Variants in RABGAP1 observed in about 807,000 individuals in gnomAD.
The protein encoded by RABGAP1 is RAB GTPase activating protein 1.
In RABGAP1, 23 loss-of-function variants were observed where a neutral mutation model predicts 137.6. The ratio of observed to expected loss-of-function variants is 0.17; its 90% CI spans 0.12 to 0.24. The LOEUF (loss-of-function observed/expected upper bound fraction) is 0.24. Among genes scored for constraint, RABGAP1 ranks in the 10% least tolerant of loss-of-function variants. The pLI is 1.00. For synonymous variants in RABGAP1, 451 were observed against 450.7 expected, an observed-to-expected ratio of 1.00 and a Z score of -0.01; for missense variants, 906 against 1,275.8, an observed-to-expected ratio of 0.71 and a Z score of 4.42.
chr9:123,010,170 T>C (rs2030671377), intron 10 of RABGAP1, among the ~76,000 whole-genome samples, 184 bp from the exon 11 acceptor site: 1 of 152,058 alleles, frequency 6.6e-6, no homozygotes, highest in Non-Finnish European at 1.5e-5. Context: ...TGCTTTTCTG[T>C]TTTAAAAAGT....
intron 9 of RABGAP1, among the ~76,000 whole-genome samples, chr9:122,997,706 A>G (rs1274995721): frequency 1.3e-5 from 2 of 152,222 alleles, no homozygotes; most frequent in South Asian, 2.1e-4. Context: ...AAGTGAGTCT[A>G]CCACAGTCCC....
chr9:123,035,633 G>C, intron 13 of RABGAP1: 2 of 1,403,568 alleles, frequency 1.4e-6, no homozygotes, highest in South Asian at 2.6e-5. Flanking sequence ...TCAGTTACGG[G>C]GTTCCCGTGT....
chr9:123,081,539 C>T (rs1217892843), intron 19 of RABGAP1, among the ~76,000 whole-genome samples: 1 of 152,134 alleles, frequency 6.6e-6, no homozygotes, highest in Non-Finnish European at 1.5e-5. Context: ...CAGACTCAAA[C>T]GATCCTCCCA....
chr9:123,004,092 C>T (rs954889360), intron 10 of RABGAP1, among the ~76,000 whole-genome samples: 2 of 152,142 alleles, frequency 1.3e-5, no homozygotes, highest in African/African-American at 4.8e-5. Flanking sequence ...TAAAAATATA[C>T]AAATGCTTTC....
intron 13 of RABGAP1, among the ~76,000 whole-genome samples, chr9:123,055,197 G>A (rs991867435): frequency 6.6e-6 from 1 of 151,818 alleles, no homozygotes; most frequent in Non-Finnish European, 1.5e-5. Context: ...TTCTTTTATT[G>A]ATTGATTGAC....
chr9:123,074,675 A>G (rs2034459156), intron 17 of RABGAP1, among the ~76,000 whole-genome samples: 1 of 152,234 alleles, frequency 6.6e-6, no homozygotes, highest in African/African-American at 2.4e-5. Flanking sequence ...TTTTGGCTGT[A>G]TTGAATGAAG....
chr9:122,989,551 T>G, intron 5 of RABGAP1, 80 bp downstream of exon 5: 8 of 1,412,764 alleles, frequency 5.7e-6, no homozygotes, highest in Non-Finnish European at 5.9e-6. Flanking sequence ...TGGTATTTAT[T>G]ATGATCACTC....
chr9:122,940,263 A>G (rs1191969528), upstream of RABGAP1: 1 of 152,186 alleles, frequency 6.6e-6, no homozygotes, highest in African/African-American at 2.4e-5. Context: ...AAACTTCATT[A>G]TATTGCTGTT....
intron 2 of RABGAP1, among the ~76,000 whole-genome samples, chr9:122,961,434 T>C (rs992363086): frequency 9.2e-5 from 14 of 152,210 alleles, no homozygotes; most frequent in African/African-American, 2.9e-4. Context: ...AAAGCTATTA[T>C]TCAAAACGGA....
chr9:123,071,884 A>G (rs543033307), intron 15 of RABGAP1, among the ~76,000 whole-genome samples: 33 of 152,270 alleles, frequency 2.2e-4, no homozygotes, highest in African/African-American at 6.7e-4. Context: ...GTATGGGAGG[A>G]ACTGAAAGGA....
intron 19 of RABGAP1, among the ~76,000 whole-genome samples, chr9:123,084,987 A>C (rs1285784632): frequency 6.6e-6 from 1 of 152,202 alleles, no homozygotes; most frequent in African/African-American, 2.4e-5. Context: ...CCAGGTGAGC[A>C]GCCACTCTCA....
intron 2 of RABGAP1, among the ~76,000 whole-genome samples, chr9:122,967,151 C>A (rs1835203020): frequency 1.3e-5 from 2 of 152,084 alleles, no homozygotes; most frequent in Admixed American, 1.3e-4. Flanking sequence ...TCTGATTTGG[C>A]TAATAGATTG....
chr9:122,992,127 C>A (rs560418194), intron 6 of RABGAP1, among the ~76,000 whole-genome samples: 3 of 151,706 alleles, frequency 2.0e-5, no homozygotes, highest in Non-Finnish European at 4.4e-5. Flanking sequence ...ACCTCTGTCT[C>A]CCAGGTTCAA....
chr9:123,020,861 T>G, intron 13 of RABGAP1: 1 of 859,696 alleles, frequency 1.2e-6, no homozygotes, highest in Non-Finnish European at 1.4e-6. Flanking sequence ...AAGAAAATAA[T>G]TCTTTAATCT....
At chr9:123,019,353 T>G (rs2131919903) in intron 12 of RABGAP1, among the ~76,000 whole-genome samples, 1 of 152,276 alleles carries the variant, frequency 6.6e-6, no homozygotes, top group African/African-American at 2.4e-5. Context: ...CTAGACAAAG[T>G]CTGTCTCTGT....
At chr9:123,041,603 A>G (rs968701724) in intron 13 of RABGAP1, among the ~76,000 whole-genome samples, 12 of 152,230 alleles carry the variant, frequency 7.9e-5, no homozygotes, top group African/African-American at 2.7e-4. Flanking sequence ...TAGCAAAGGT[A>G]TAATATGGAT....
At chr9:123,002,226 G>A (rs543644090) in intron 10 of RABGAP1, among the ~76,000 whole-genome samples, 2 of 151,762 alleles carry the variant, frequency 1.3e-5, no homozygotes, top group African/African-American at 4.8e-5. Flanking sequence ...GCTTGAACCC[G>A]GGAGGTGGAG....
chr9:123,037,807 G>A (rs961751695), intron 13 of RABGAP1, among the ~76,000 whole-genome samples: 12 of 152,080 alleles, frequency 7.9e-5, no homozygotes, highest in Admixed American at 3.9e-4. Context: ...TTTTCTGTGT[G>A]ATATATTTGG....
At chr9:123,019,838 C>T (rs1172869845) in intron 12 of RABGAP1, among the ~76,000 whole-genome samples, 1 of 152,056 alleles carries the variant, frequency 6.6e-6, no homozygotes, top group Non-Finnish European at 1.5e-5. Flanking sequence ...TACAGGCATG[C>T]GCCACCATGA....
Sources: allele counts gnomAD v4.1 joint callset (sites outside exome capture counted in the v4.1 genomes callset), GRCh38; gene constraint gnomAD v4.1.1; transcripts MANE v1.5; gene names NCBI Gene and HGNC (gene_info 2026-07-23, HGNC 2026-07-21).